The following RIT2 variants were observed in gnomAD, a reference collection of about 807,000 sequenced individuals.
RIT2 encodes Ras like without CAAX 2, also known as GTP-binding protein Rit2.
A neutral mutation model predicts 23.7 loss-of-function variants in RIT2; 24 were observed. The ratio of observed to expected loss-of-function variants is 1.01; its 90% CI spans 0.73 to 1.43. RIT2 has a LOEUF of 1.43. Among genes scored for constraint, RIT2 ranks in the 40% most tolerant of loss-of-function variants. The probability of loss-of-function intolerance (pLI) is 0.00; values close to 1 mark genes in which losing one functional copy is unlikely to be tolerated. For missense variants in RIT2, 236 were observed against 266.9 expected, an observed-to-expected ratio of 0.88 and a Z score of 0.81; for synonymous variants, 107 against 91.1, an observed-to-expected ratio of 1.17 and a Z score of -0.99.
intron 4 of RIT2, among the ~76,000 whole-genome samples, chr18:42,863,189 G>T (rs1907376163): frequency 6.6e-6 from 1 of 152,122 alleles, no homozygotes; most frequent in South Asian, 2.1e-4. Context: ...AATTTACTGT[G>T]TTATGCCAGC....
chr18:42,950,289 A>G (rs1235099926), intron 3 of RIT2, among the ~76,000 whole-genome samples: 1 of 152,046 alleles, frequency 6.6e-6, no homozygotes, highest in African/African-American at 2.4e-5. Flanking sequence ...AAAATAAACA[A>G]TGGGGAATGG....
intron 1 of RIT2, among the ~76,000 whole-genome samples, chr18:43,069,429 C>A (rs1912849301): frequency 6.6e-6 from 1 of 152,136 alleles, no homozygotes; most frequent in African/African-American, 2.4e-5. Flanking sequence ...AACCCGTTTC[C>A]TGTAACACTC....
intron 1 of RIT2, among the ~76,000 whole-genome samples, chr18:43,100,820 G>A (rs1336654688): frequency 1.3e-5 from 2 of 151,942 alleles, no homozygotes; most frequent in East Asian, 1.9e-4. Context: ...AAAGAAGATC[G>A]GTGGTTTAGT....
chr18:42,882,940 G>A (rs1421584572), intron 4 of RIT2, among the ~76,000 whole-genome samples: 1 of 152,076 alleles, frequency 6.6e-6, no homozygotes, highest in African/African-American at 2.4e-5. Context: ...TAGCTTGATA[G>A]CATATGTGAT....
chr18:42,849,460 G>A (rs535494905), intron 4 of RIT2, among the ~76,000 whole-genome samples: 67 of 152,196 alleles, frequency 4.4e-4, no homozygotes, highest in African/African-American at 1.4e-3. Flanking sequence ...CGGTTTTCTC[G>A]TGGGTAAAAG....
chr18:42,916,760 C>T (rs571469510), intron 4 of RIT2, among the ~76,000 whole-genome samples: 1 of 152,158 alleles, frequency 6.6e-6, no homozygotes, highest in South Asian at 2.1e-4. Context: ...TCATCTGTCC[C>T]ACCCAAAAAA....
At chr18:42,908,102 A>G (rs1405404644) in intron 4 of RIT2, among the ~76,000 whole-genome samples, 1 of 151,950 alleles carries the variant, frequency 6.6e-6, no homozygotes, top group Admixed American at 6.6e-5. Flanking sequence ...TCTAATAGAA[A>G]TTGTGGAAAT....
chr18:42,760,596 T>C (rs1913277310), intron 4 of RIT2, among the ~76,000 whole-genome samples: 1 of 152,204 alleles, frequency 6.6e-6, no homozygotes, highest in Admixed American at 6.5e-5. Context: ...TTTAAGAGGA[T>C]GGTTGCTGAA....
intron 4 of RIT2, among the ~76,000 whole-genome samples, chr18:42,849,739 C>T (rs887551362): frequency 1.3e-5 from 2 of 152,222 alleles, no homozygotes; most frequent in African/African-American, 4.8e-5. Context: ...CTCATATAAA[C>T]CTAAACAGAA....
chr18:43,115,322 C>T, intron 1 of RIT2, 95 bp downstream of exon 1: 16 of 1,500,140 alleles, frequency 1.1e-5, no homozygotes, highest in Non-Finnish European at 1.5e-5. Flanking sequence ...CCACAGTTCA[C>T]CTCTAACAGC....
At chr18:42,960,391 C>T (rs887856756) in intron 3 of RIT2, among the ~76,000 whole-genome samples, 3 of 152,066 alleles carry the variant, frequency 2.0e-5, no homozygotes, top group Admixed American at 6.6e-5. Context: ...CTCAGCTCAC[C>T]GCAACCTCTG....
At chr18:42,866,155 G>A (rs659129) in intron 4 of RIT2, among the ~76,000 whole-genome samples, 3,102 of 152,212 alleles carry the variant, frequency 0.02, 130 homozygotes, top group African/African-American at 0.071. Context: ...TGAAACAATT[G>A]ACATGAGAAG....
At chr18:43,100,637 G>A (rs1427153216) in intron 1 of RIT2, among the ~76,000 whole-genome samples, 1 of 152,142 alleles carries the variant, frequency 6.6e-6, no homozygotes, top group Non-Finnish European at 1.5e-5. Flanking sequence ...TTGAAAAAAG[G>A]ACACCTCTGG....
At chr18:43,100,915 G>A (rs1046015105) in intron 1 of RIT2, among the ~76,000 whole-genome samples, 3 of 151,908 alleles carry the variant, frequency 2.0e-5, no homozygotes, top group African/African-American at 7.3e-5. Context: ...AGGAGACTAC[G>A]TAGGTGATCT....
chr18:43,112,687 T>C (rs975204535), intron 1 of RIT2, among the ~76,000 whole-genome samples: 4 of 152,114 alleles, frequency 2.6e-5, no homozygotes, highest in Admixed American at 1.3e-4. Flanking sequence ...GAGCATTGCT[T>C]GAGGCCAGAA....
intron 1 of RIT2, among the ~76,000 whole-genome samples, chr18:43,062,142 C>T (rs774656252): frequency 5.9e-5 from 9 of 151,934 alleles, no homozygotes; most frequent in Non-Finnish European, 1.3e-4. Context: ...AAAAAAGCCG[C>T]AACATAGGGA....
intron 4 of RIT2, among the ~76,000 whole-genome samples, chr18:42,745,074 A>G (rs1376708322): frequency 6.6e-6 from 1 of 152,204 alleles, no homozygotes; most frequent in Non-Finnish European, 1.5e-5. Context: ...GGGTTGAATA[A>G]GTATTAACTA....
intron 4 of RIT2, among the ~76,000 whole-genome samples, chr18:42,809,872 T>C (rs1416582682): frequency 7.0e-6 from 1 of 143,822 alleles, no homozygotes; most frequent in South Asian, 2.1e-4. Flanking sequence ...ATATAATATA[T>C]ATAATTTGTA....
Position 42,840,720 on chromosome 18 carries a change from C to T in RIT2, c.426+82852G>A, listed in dbSNP as rs1167471451. 5.3e-5 allele frequency among the ~76,000 whole-genome samples: 8 copies of T among 152,150 alleles called. No homozygotes were observed. The East Asian group carries it at 5.8e-4, about 11-fold the overall frequency. ...TTCTCCGTGTTGGTCAGGCTGGTCTCGAACTTTCAACCTCAGGTGATCCAC... is the reference window on the plus strand; with the variant it reads ...TTCTCCGTGTTGGTCAGGCTGGTCTTGAACTTTCAACCTCAGGTGATCCAC... On this transcript the variant is annotated intron_variant, in intron 4 of 4. Transcript: ENST00000326695.
Sources: gnomAD v4.1 joint callset for allele counts (sites outside exome capture counted in the v4.1 genomes callset) on GRCh38, gnomAD v4.1.1 for gene constraint, MANE v1.5 for transcripts, NCBI Gene and HGNC (gene_info 2026-07-23, HGNC 2026-07-21) for gene names.